Variants in TBC1D22A observed in about 807,000 individuals in gnomAD.
The protein encoded by TBC1D22A is putative GTPase activator.
Under a neutral mutation model 60.2 loss-of-function variants are expected in TBC1D22A, and 38 were observed. That is an observed-to-expected ratio of 0.63 (90% CI 0.49 to 0.83). The LOEUF (loss-of-function observed/expected upper bound fraction) is 0.83, where lower values mean the gene tolerates loss of function less well. Among genes scored for constraint, TBC1D22A ranks in the 40% least tolerant of loss-of-function variants. TBC1D22A has a pLI of 0.00. For missense variants in TBC1D22A, 628 were observed against 701.0 expected, an observed-to-expected ratio of 0.90 and a Z score of 1.18; for synonymous variants, 302 against 281.7, an observed-to-expected ratio of 1.07 and a Z score of -0.72.
At chr22:47,038,618 C>A (rs1033325006) in intron 11 of TBC1D22A, among the ~76,000 whole-genome samples, 5 of 152,164 alleles carry the variant, frequency 3.3e-5, no homozygotes, top group Non-Finnish European at 5.9e-5. Flanking sequence ...AGAACAGTGC[C>A]CCAAAGCTTT....
At chr22:47,106,779 C>T (rs1040467720) in intron 11 of TBC1D22A, among the ~76,000 whole-genome samples, 5 of 152,024 alleles carry the variant, frequency 3.3e-5, no homozygotes, top group African/African-American at 4.8e-5. Flanking sequence ...TTATAACTTT[C>T]GGAGGCTGAG....
intron 9 of TBC1D22A, among the ~76,000 whole-genome samples, chr22:46,983,550 G>C (rs2074597053): frequency 6.6e-6 from 1 of 152,120 alleles, no homozygotes; most frequent in African/African-American, 2.4e-5. Flanking sequence ...GATGTGAGTT[G>C]GGTGGGTGTG....
intron 11 of TBC1D22A, among the ~76,000 whole-genome samples, chr22:47,108,068 C>T (rs2337232): frequency 0.75 from 114,839 of 152,148 alleles, 43,893 homozygotes; most frequent in East Asian, 0.97. Context: ...ATTAAGAGGA[C>T]GAAAAGAGGA....
chr22:47,070,634 C>T (rs2063950513), intron 11 of TBC1D22A, among the ~76,000 whole-genome samples: 1 of 149,110 alleles, frequency 6.7e-6, no homozygotes. Flanking sequence ...TTGGCTGGAG[C>T]GGGGCTGACC....
chr22:46,865,272 G>C (rs969161611), intron 4 of TBC1D22A, among the ~76,000 whole-genome samples: 1 of 152,160 alleles, frequency 6.6e-6, no homozygotes, highest in Non-Finnish European at 1.5e-5. Context: ...TTGCAGTGAC[G>C]GGCAGATGTT....
intron 11 of TBC1D22A, among the ~76,000 whole-genome samples, chr22:47,066,934 G>A (rs1279692120): frequency 6.6e-6 from 1 of 152,138 alleles, no homozygotes; most frequent in African/African-American, 2.4e-5. Context: ...TCTGTTGCCT[G>A]TACCTGGCTT....
At chr22:46,813,700 C>A (rs539156597) in intron 4 of TBC1D22A, among the ~76,000 whole-genome samples, 1 of 152,092 alleles carries the variant, frequency 6.6e-6, no homozygotes, top group African/African-American at 2.4e-5. Flanking sequence ...CACAGAGGAA[C>A]GAGTAATGAA....
rs190585619 is a variant in TBC1D22A, at chr22:46,973,499, G to A, written c.1016-791G>A. Among the ~76,000 whole-genome samples the A allele has an allele frequency of 3.3e-5, 5 of 152,300 alleles. No individual in the cohort carries two copies. The East Asian group carries it at 9.6e-4, about 29-fold the overall frequency. Reference sequence around the variant, plus strand: ...TTCAACCTTTCTACATATATTCTGGGTTGAAATGTTTCTTTTCTTAAAGAA... The same window carrying A: ...TTCAACCTTTCTACATATATTCTGGATTGAAATGTTTCTTTTCTTAAAGAA... On this transcript the variant is annotated intron_variant, in intron 8 of 12. Transcript: ENST00000337137.
At chr22:47,123,243 A>G (rs1004664810) in intron 12 of TBC1D22A, among the ~76,000 whole-genome samples, 2 of 152,020 alleles carry the variant, frequency 1.3e-5, no homozygotes, top group African/African-American at 4.8e-5. Context: ...CGCTTCCTCC[A>G]TTCTCTCCAG....
At chr22:47,057,664 G>T (rs1025144200) in intron 11 of TBC1D22A, among the ~76,000 whole-genome samples, 1 of 152,200 alleles carries the variant, frequency 6.6e-6, no homozygotes, top group African/African-American at 2.4e-5. Context: ...AGGCAAGAGG[G>T]CGTGTGCAGG....
intron 11 of TBC1D22A, among the ~76,000 whole-genome samples, chr22:47,099,387 G>T (rs2065317774): frequency 6.6e-6 from 1 of 152,164 alleles, no homozygotes; most frequent in Admixed American, 6.5e-5. Flanking sequence ...CTACCGGAAG[G>T]CATGAGCAGG....
At chr22:46,789,129 CTT>C (rs11450774) in intron 1 of TBC1D22A, 65 of 136,066 alleles carry the variant, frequency 4.8e-4, no homozygotes, top group South Asian at 4.1e-3. Context: ...TCCTTCTTTT[CTT>C]TTTTTTTTTT....
intron 11 of TBC1D22A, among the ~76,000 whole-genome samples, chr22:47,094,250 A>G (rs910867883): frequency 1.3e-5 from 2 of 152,214 alleles, no homozygotes; most frequent in African/African-American, 4.8e-5. Context: ...TTTAAGCTTT[A>G]AGATCAGAAG....
At chr22:46,895,177 C>T (rs1226051444) in intron 7 of TBC1D22A, among the ~76,000 whole-genome samples, 1 of 152,158 alleles carries the variant, frequency 6.6e-6, no homozygotes, top group Admixed American at 6.5e-5. Flanking sequence ...CAGGCCTGAC[C>T]CAGAGCACCA....
intron 11 of TBC1D22A, among the ~76,000 whole-genome samples, chr22:47,071,631 T>C (rs1338588284): frequency 6.6e-6 from 1 of 152,238 alleles, no homozygotes; most frequent in Non-Finnish European, 1.5e-5. Context: ...ATTCTTTCCT[T>C]TTAAACAAGA....
At chr22:46,858,604 T>C (rs957443579) in intron 4 of TBC1D22A, among the ~76,000 whole-genome samples, 14 of 152,146 alleles carry the variant, frequency 9.2e-5, no homozygotes, top group African/African-American at 1.9e-4. Flanking sequence ...TTCTGATGCT[T>C]CCCCACCGAT....
chr22:46,946,260 A>G (rs976902254), intron 8 of TBC1D22A, among the ~76,000 whole-genome samples: 2 of 152,180 alleles, frequency 1.3e-5, no homozygotes, highest in African/African-American at 4.8e-5. Flanking sequence ...GAACTGAACC[A>G]CGTTCCCATC....
At chr22:46,829,532 G>A (rs775062873) in intron 4 of TBC1D22A, among the ~76,000 whole-genome samples, 24 of 152,182 alleles carry the variant, frequency 1.6e-4, no homozygotes, top group Non-Finnish European at 2.5e-4. Flanking sequence ...GAATACATCT[G>A]CTTCACATTG....
chr22:47,019,941 G>GCCCTCTCCCTTAACCCTCCATCCTC (rs2062029358), intron 10 of TBC1D22A, among the ~76,000 whole-genome samples: 1 of 103,668 alleles, frequency 9.6e-6, no homozygotes, highest in Non-Finnish European at 2.1e-5. Context: ...CCTCCATCAT[G>GCCCTCTCCCTTAACCCTCCATCCTC]CCCTCTCCCT....
Sources: allele counts gnomAD v4.1 joint callset (sites outside exome capture counted in the v4.1 genomes callset), GRCh38; gene constraint gnomAD v4.1.1; transcripts MANE v1.5; gene names NCBI Gene and HGNC (gene_info 2026-07-23, HGNC 2026-07-21).